SGIP1: variants seen among roughly 807,000 people sequenced by gnomAD.
The protein encoded by SGIP1 is SH3GL interacting endocytic adaptor 1, also known as SH3-containing GRB2-like protein 3-interacting protein 1.
A neutral mutation model predicts 107.5 loss-of-function variants in SGIP1; 38 were observed. The ratio of observed to expected loss-of-function variants is 0.35; its 90% confidence interval spans 0.27 to 0.46. SGIP1 has a LOEUF of 0.46. SGIP1 is among the 20% of genes least tolerant of loss of function. The pLI is 1.00. For missense variants in SGIP1, 929 were observed against 1,019.5 expected, an observed-to-expected ratio of 0.91 and a Z score of 1.21; for synonymous variants, 365 against 366.1, an observed-to-expected ratio of 1.00 and a Z score of 0.03.
intron 1 of SGIP1, among the ~76,000 whole-genome samples, chr1:66,585,570 T>TGTGTGTG (rs2062475351): frequency 1.3e-5 from 2 of 149,952 alleles, no homozygotes; most frequent in Non-Finnish European, 3.0e-5. Context: ...GCTTTGGAGT[T>TGTGTGTG]TGTGTGTGTG....
At position 66,672,042 on chromosome 1, in the gene SGIP1, CT is replaced by C. The variant is rs755339497; in HGVS notation, c.560+51del. 7.0e-6 allele frequency: 11 copies of C among 1,574,428 alleles called. 1 individual carries two copies. The East Asian group carries it at 2.5e-4, about 35-fold the overall frequency. On this transcript the variant is annotated intron_variant, in intron 11 of 24. Transcript: ENST00000371037. Reference sequence around the variant, plus strand: ...TGTGTTTTATGCAAGGCATCATGAACTTTTAACAATTAAGCAAATCTCCTTT... The same window carrying C: ...TGTGTTTTATGCAAGGCATCATGAACTTTAACAATTAAGCAAATCTCCTTT...
intron 1 of SGIP1, among the ~76,000 whole-genome samples, chr1:66,608,237 AT>A (rs528749503): frequency 8.3e-4 from 126 of 152,378 alleles, no homozygotes; most frequent in African/African-American, 2.9e-3. Context: ...GTGATAATGC[AT>A]GAAAAGTACA....
chr1:66,706,750 T>C (rs927358857), intron 18 of SGIP1, among the ~76,000 whole-genome samples: 2 of 152,058 alleles, frequency 1.3e-5, no homozygotes, highest in Non-Finnish European at 2.9e-5. Context: ...ATTTTGATGT[T>C]TTTCAGTTCT....
intron 7 of SGIP1, among the ~76,000 whole-genome samples, chr1:66,647,166 CT>C (rs1557433119): frequency 6.6e-6 from 1 of 152,174 alleles, no homozygotes; most frequent in Non-Finnish European, 1.5e-5. Context: ...GTAAAAGAGT[CT>C]TACTCCAGTG....
rs1328844220 is a variant in SGIP1 at position 66,679,669 on chromosome 1, T to C, written c.740-9T>C. On this transcript the variant is annotated splice_polypyrimidine_tract_variant and intron_variant, in intron 13 of 24. Transcript: ENST00000371037. ...GACCAATGATACTTAATTTCTCATC[T>C]TTTTGCAGCACCTCCACCACTGCCT... 2 of 1,602,780 alleles carry C rather than the reference T, an allele frequency of 1.2e-6. No homozygotes were observed. The highest frequency in any genetic ancestry group is 2.3e-5 in the East Asian group (1 of 43,468).
At position 66,741,395 on chromosome 1, in the gene SGIP1, C is replaced by T. The variant is rs199839360; in HGVS notation, c.2423C>T (p.Ala808Val). The T allele has an allele frequency of 5.7e-5, 92 of 1,605,084 alleles. 1 individual carries two copies. In the East Asian group the frequency reaches 2.0e-3, roughly 34 times the overall value. Residue 808 changes from alanine (A) to valine (V), a missense_variant, in exon 24 of 25, where the codon GCA becomes GTA. Ala to Val is a moderately conservative substitution (Grantham distance 64, BLOSUM62 0). Around this residue, in one of 2 missense-constraint regions of SGIP1, gnomAD observed 341 missense variants for 430.9 expected, o/e 0.79. Coordinates refer to ENST00000371037, the MANE Select transcript of SGIP1 (RefSeq NM_032291.4). ...GGCTGTGACATTGAACTTGTTGGAG[C>T]AGGGTATCGATTTTCACTCATCAAG... Reference protein sequence around the residue: ...LSGCDIELVGAGYRFSLIKKR... With the variant: ...LSGCDIELVGVGYRFSLIKKR...
At chr1:66,555,989 T>C (rs1484916780) in intron 1 of SGIP1, among the ~76,000 whole-genome samples, 2 of 152,140 alleles carry the variant, frequency 1.3e-5, no homozygotes, top group Non-Finnish European at 1.5e-5. Context: ...GCTACAGATG[T>C]GCAATCATTA....
chr1:66,662,760 T>C (rs1013094292), intron 8 of SGIP1, among the ~76,000 whole-genome samples: 4 of 151,964 alleles, frequency 2.6e-5, no homozygotes, highest in Non-Finnish European at 5.9e-5. Flanking sequence ...GAAGGGAAAA[T>C]AAAATGTTTT....
chr1:66,726,864 G>A lies in SGIP1; in HGVS notation c.1743-2400G>A, dbSNP rs544015949. On this transcript the variant is annotated intron_variant, in intron 19 of 24. Transcript: ENST00000371037. ...CTCATGCCTGTAATTCCAGCAGTTCGGGAGGCCAAGGCAGGAGGACTGCTT... is the reference window on the plus strand; with the variant it reads ...CTCATGCCTGTAATTCCAGCAGTTCAGGAGGCCAAGGCAGGAGGACTGCTT... 6.5e-4 allele frequency among the ~76,000 whole-genome samples: 99 copies of A among 152,228 alleles called. 1 individual carries two copies. The highest frequency in any genetic ancestry group is 3.4e-3 in the Middle Eastern group (1 of 294).
chr1:66,730,577 C>T (rs2093961658), intron 20 of SGIP1, among the ~76,000 whole-genome samples: 2 of 152,126 alleles, frequency 1.3e-5, no homozygotes, highest in South Asian at 4.1e-4. Context: ...CCAATCTTGC[C>T]CCTCTCCAAT....
intron 8 of SGIP1, among the ~76,000 whole-genome samples, chr1:66,665,119 C>T (rs762781633): frequency 4.6e-5 from 7 of 152,176 alleles, no homozygotes; most frequent in Admixed American, 2.0e-4. Flanking sequence ...TCTATCCCTC[C>T]CCCATCCACC....
intron 2 of SGIP1, among the ~76,000 whole-genome samples, chr1:66,631,681 T>TTCTCTCTCTCTCTCTCTCTC (rs71058468): frequency 2.3e-4 from 30 of 132,258 alleles, no homozygotes; most frequent in African/African-American, 2.8e-4. Flanking sequence ...CTCTCTCTCT[T>TTCTCTCTCTCTCTCTCTCTC]TCTCTCTCTC....
chr1:66,742,460 C>CTTTT lies in SGIP1; in HGVS notation c.2465-589_2465-586dup, dbSNP rs764080079. ...AATATAAGTTATATGAGCACCCTTTCTTTTTTTTTTTTTTTTTTTTTTTTT... is the reference window on the plus strand; with the variant it reads ...AATATAAGTTATATGAGCACCCTTTCTTTTTTTTTTTTTTTTTTTTTTTTTTTTT... On this transcript the variant is annotated intron_variant, in intron 24 of 24. Transcript: ENST00000371037. Among the ~76,000 whole-genome samples the CTTTT allele has an allele frequency of 6.4e-4, 29 of 45,106 alleles. 4 individuals are homozygous for CTTTT. The highest frequency in any genetic ancestry group is 8.3e-4 in the Non-Finnish European group (19 of 23,012). The allele number at this position is 45,106 out of a possible 152,430, so 29.6% of individuals were successfully genotyped here.
Position 66,609,744 on chromosome 1 carries a change from C to T in SGIP1, c.11-16103C>T, listed in dbSNP as rs563385135. Among the ~76,000 whole-genome samples the T allele has an allele frequency of 3.3e-5, 5 of 152,304 alleles. No homozygotes were observed. In the South Asian group the frequency reaches 1.0e-3, roughly 32 times the overall value. ...AGTTTCAGAGGAGAAATATCTGGGC[C>T]AACCTGACTAGGATGCTAGCAAACT... On this transcript the variant is annotated intron_variant, in intron 1 of 24. Coordinates refer to ENST00000371037, the MANE Select transcript of SGIP1 (RefSeq NM_032291.4).
intron 1 of SGIP1, among the ~76,000 whole-genome samples, chr1:66,588,161 G>A (rs2062938554): frequency 6.6e-6 from 1 of 152,058 alleles, no homozygotes; most frequent in African/African-American, 2.4e-5. Context: ...TTCCAGTGGG[G>A]CCATGTTTTA....
chr1:66,540,827 A>G (rs1047051420), intron 1 of SGIP1, among the ~76,000 whole-genome samples: 1 of 152,194 alleles, frequency 6.6e-6, no homozygotes, highest in Non-Finnish European at 1.5e-5. Context: ...TGAGAAAGTT[A>G]CTTTACATTC....
At chr1:66,659,295 A>T (rs1158084669) in intron 7 of SGIP1, among the ~76,000 whole-genome samples, 2 of 152,222 alleles carry the variant, frequency 1.3e-5, no homozygotes, top group Admixed American at 6.5e-5. Context: ...TCATTAAGAC[A>T]GGTGCTGAGG....
chr1:66,548,975 C>T (rs958218691), intron 1 of SGIP1, among the ~76,000 whole-genome samples: 3 of 152,190 alleles, frequency 2.0e-5, no homozygotes, highest in Admixed American at 1.3e-4. Context: ...TCCTTTGGGA[C>T]AGGAACAGGC....
At chr1:66,585,361 A>C (rs759890545) in intron 1 of SGIP1, among the ~76,000 whole-genome samples, 20 of 152,268 alleles carry the variant, frequency 1.3e-4, no homozygotes, top group Non-Finnish European at 2.5e-4. Context: ...TTTAATGTCT[A>C]TTAGGCCTTC....
Sources: gnomAD v4.1 joint callset for allele counts (sites outside exome capture counted in the v4.1 genomes callset) on GRCh38, gnomAD v4.1.1 for gene constraint, gnomAD v4.1.1 regional missense constraint, MANE v1.5 for transcripts, NCBI Gene and HGNC (gene_info 2026-07-23, HGNC 2026-07-21) for gene names.